Variants in HPSE2 observed in about 807,000 individuals in gnomAD.
HPSE2 encodes the protein inactive heparanase-2.
Under a neutral mutation model 60.5 loss-of-function variants are expected in HPSE2, and 38 were observed. That is an observed-to-expected ratio of 0.63 (90% confidence interval 0.48 to 0.82). HPSE2 has a LOEUF of 0.82. Among genes scored for constraint, HPSE2 ranks in the 40% least tolerant of loss-of-function variants. The pLI is 0.00. For missense variants in HPSE2, 713 were observed against 740.4 expected, an observed-to-expected ratio of 0.96 and a Z score of 0.43; for synonymous variants, 295 against 293.2, an observed-to-expected ratio of 1.01 and a Z score of -0.06.
At chr10:98,744,888 A>G (rs1203816558) in intron 3 of HPSE2, among the ~76,000 whole-genome samples, 1 of 152,136 alleles carries the variant, frequency 6.6e-6, no homozygotes, top group African/African-American at 2.4e-5. Context: ...CTGACAATGG[A>G]AATACTATGA....
Position 98,937,879 on chromosome 10 carries a change from T to C in HPSE2, c.611-193823A>G, listed in dbSNP as rs1954856006. On this transcript the variant is annotated intron_variant, in intron 3 of 11. Transcript: ENST00000370552. Reference sequence around the variant, plus strand: ...GACACCTCACATGGCCCAGTACTCCTCTGAGACAAAACTTCCAGAGGAACG... The same window carrying C: ...GACACCTCACATGGCCCAGTACTCCCCTGAGACAAAACTTCCAGAGGAACG... Among the ~76,000 whole-genome samples, 2 of 143,262 alleles carry C rather than the reference T, an allele frequency of 1.4e-5. 1 individual carries two copies. Among genetic ancestry groups the C allele is most frequent in the Non-Finnish European group, 3.0e-5 (2 of 67,028 alleles). The allele number at this position is 143,262 out of a possible 152,430, so 94.0% of individuals were successfully genotyped here.
the HPSE2 span, among the ~76,000 whole-genome samples, chr10:99,306,525 T>C: frequency 6.6e-6 from 1 of 152,080 alleles, no homozygotes; most frequent in South Asian, 2.1e-4. Context: ...ATGTGAATAA[T>C]ATATCTTTTT....
intron 3 of HPSE2, among the ~76,000 whole-genome samples, chr10:98,960,583 C>A (rs1442730282): frequency 6.6e-6 from 1 of 151,636 alleles, no homozygotes; most frequent in Non-Finnish European, 1.5e-5. Context: ...AAACTGTATC[C>A]CCCTACTACC....
chr10:98,499,395 C>G (rs545404721), intron 9 of HPSE2, among the ~76,000 whole-genome samples: 7 of 152,028 alleles, frequency 4.6e-5, no homozygotes, highest in Non-Finnish European at 7.4e-5. Flanking sequence ...TTGAATCCAG[C>G]GAAACTAAGC....
intron 3 of HPSE2, among the ~76,000 whole-genome samples, chr10:99,141,522 T>C (rs898585879): frequency 2.0e-5 from 3 of 152,198 alleles, no homozygotes; most frequent in African/African-American, 7.2e-5. Flanking sequence ...ACAAATACAA[T>C]GTAATAAGGA....
At chr10:98,757,854 T>C (rs927795665) in intron 3 of HPSE2, among the ~76,000 whole-genome samples, 3 of 152,132 alleles carry the variant, frequency 2.0e-5, no homozygotes, top group Non-Finnish European at 4.4e-5. Flanking sequence ...AAAATTCATA[T>C]GGAACAAGAA....
intron 3 of HPSE2, among the ~76,000 whole-genome samples, chr10:98,968,928 G>T (rs1955881314): frequency 6.6e-6 from 1 of 151,924 alleles, no homozygotes; most frequent in African/African-American, 2.4e-5. Context: ...CAAAATCTCA[G>T]AAATCACCAC....
the HPSE2 span, among the ~76,000 whole-genome samples, chr10:99,308,378 T>TGAAAAAAAAAAAAAAAAAAAAAAA: frequency 2.2e-4 from 1 of 4,466 alleles, no homozygotes; most frequent in African/African-American, 1.5e-3. Context: ...AGACTCTGTC[T>TGAAAAAAAAAAAAAAAAAAAAAAA]CAAAAAAAAA....
intron 3 of HPSE2, among the ~76,000 whole-genome samples, chr10:98,926,242 A>G (rs943131870): frequency 2.6e-5 from 4 of 152,246 alleles, no homozygotes; most frequent in Middle Eastern, 3.4e-3. Flanking sequence ...TTTAAGTTTT[A>G]TTTTTTAAAT....
rs1342396413 is a variant in HPSE2, at chr10:98,932,623, G to T, written c.611-188567C>A. On this transcript the variant is annotated intron_variant, in intron 3 of 11. Coordinates refer to ENST00000370552, the MANE Select transcript of HPSE2 (RefSeq NM_021828.5). ...CTGGGCTTTTTTTTTTTTTTGGCTGGTAGGCTATTTATTACTGCCTTAATT... is the reference window on the plus strand; with the variant it reads ...CTGGGCTTTTTTTTTTTTTTGGCTGTTAGGCTATTTATTACTGCCTTAATT... Among the ~76,000 whole-genome samples the T allele has an allele frequency of 1.4e-5, 2 of 138,584 alleles. 1 individual carries two copies. The highest frequency in any genetic ancestry group is 6.0e-5 in the African/African-American group (2 of 33,294). The allele number at this position is 138,584 out of a possible 152,430, so 90.9% of individuals were successfully genotyped here. A position where few individuals can be genotyped will look rare whatever the true frequency, so the allele number is the denominator to read the frequency against.
At chr10:99,051,972 G>C (rs773739639) in intron 3 of HPSE2, among the ~76,000 whole-genome samples, 7 of 151,304 alleles carry the variant, frequency 4.6e-5, no homozygotes, top group Non-Finnish European at 1.0e-4. Context: ...TCACTCTTTA[G>C]GGAACAAGAA....
intron 3 of HPSE2, among the ~76,000 whole-genome samples, chr10:99,057,176 T>A (rs979533698): frequency 1.3e-5 from 2 of 152,198 alleles, no homozygotes; most frequent in Non-Finnish European, 2.9e-5. Context: ...ACATGTAAGA[T>A]GTTTGCATTT....
chr10:98,967,765 A>G (rs1955849451), intron 3 of HPSE2, among the ~76,000 whole-genome samples: 1 of 152,154 alleles, frequency 6.6e-6, no homozygotes, highest in African/African-American at 2.4e-5. Context: ...ACCACTAGTG[A>G]CCCCAAACTG....
At chr10:98,551,876 T>C (rs118147114) in intron 9 of HPSE2, among the ~76,000 whole-genome samples, 1,942 of 152,262 alleles carry the variant, frequency 0.013, 25 homozygotes, top group Non-Finnish European at 0.019. Flanking sequence ...TAAAAATACA[T>C]ATTTCTGGAT....
chr10:98,835,946 C>T (rs1344496673), intron 3 of HPSE2, among the ~76,000 whole-genome samples: 1 of 152,100 alleles, frequency 6.6e-6, no homozygotes, highest in East Asian at 1.9e-4. Context: ...ATGCTAGGTG[C>T]CATGTAATCA....
Position 98,475,038 on chromosome 10 carries a change from C to T in HPSE2, c.1613+7598G>A, listed in dbSNP as rs548175927. Among the ~76,000 whole-genome samples the T allele has an allele frequency of 4.9e-4, 75 of 152,170 alleles. 1 individual carries two copies. Among genetic ancestry groups the T allele is most frequent in the Admixed American group, 2.0e-4 (3 of 15,300 alleles). On this transcript the variant is annotated intron_variant, in intron 11 of 11. Transcript: ENST00000370552. ...GGGACATTCTGATCCGAAACATTCACATTGAACTTTACATTCAGAATTTCC... is the reference window on the plus strand; with the variant it reads ...GGGACATTCTGATCCGAAACATTCATATTGAACTTTACATTCAGAATTTCC...
intron 3 of HPSE2, among the ~76,000 whole-genome samples, chr10:98,751,435 T>G (rs1002249312): frequency 6.6e-6 from 1 of 152,236 alleles, no homozygotes; most frequent in Non-Finnish European, 1.5e-5. Context: ...ATACTGTTCT[T>G]TTCTTAATTG....
upstream of HPSE2, chr10:99,235,998 T>C (rs1022750053): frequency 4.2e-6 from 2 of 480,272 alleles, no homozygotes; most frequent in African/African-American, 2.7e-5. Context: ...TTTGTTTTTT[T>C]CTTTTTTTTT....
chr10:99,202,957 G>A (rs143852154), intron 2 of HPSE2, among the ~76,000 whole-genome samples: 71 of 152,264 alleles, frequency 4.7e-4, no homozygotes, highest in Middle Eastern at 3.4e-3. Flanking sequence ...TGAGCAATCC[G>A]ACTTTGCCTT....
Sources: allele counts gnomAD v4.1 joint callset (sites outside exome capture counted in the v4.1 genomes callset), GRCh38; gene constraint gnomAD v4.1.1; transcripts MANE v1.5; gene names NCBI Gene and HGNC (gene_info 2026-07-23, HGNC 2026-07-21).